Variants in L3MBTL4 observed in about 807,000 individuals in gnomAD.
The protein encoded by L3MBTL4 is lethal(3)malignant brain tumor-like protein 4.
Under a neutral mutation model 84.5 loss-of-function variants are expected in L3MBTL4, and 70 were observed. That is an observed-to-expected ratio of 0.83 (90% CI 0.68 to 1.01). The LOEUF (loss-of-function observed/expected upper bound fraction) is 1.01, where lower values mean the gene tolerates loss of function less well. Among genes scored for constraint, L3MBTL4 ranks in the 50% least tolerant of loss-of-function variants. The pLI is 0.00. For synonymous variants in L3MBTL4, 274 were observed against 259.8 expected (o/e 1.05, Z -0.52); for missense variants, 715 against 754.8 (o/e 0.95, Z 0.62).
intron 5 of L3MBTL4, among the ~76,000 whole-genome samples, chr18:6,261,945 A>T (rs796106448): frequency 7.9e-5 from 12 of 152,176 alleles, no homozygotes; most frequent in African/African-American, 2.9e-4. Flanking sequence ...ACACCCAAAC[A>T]TCTGATTTAA....
At chr18:6,261,023 A>C (rs1158247559) in intron 5 of L3MBTL4, 7 of 152,240 alleles carry the variant, frequency 4.6e-5, no homozygotes, top group African/African-American at 1.4e-4. Flanking sequence ...TTATTAGGGC[A>C]AATCAGACGG....
At chr18:6,210,045 G>C (rs2046038800) in intron 12 of L3MBTL4, among the ~76,000 whole-genome samples, 1 of 152,154 alleles carries the variant, frequency 6.6e-6, no homozygotes, top group African/African-American at 2.4e-5. Context: ...TTGCTTTCTA[G>C]GGTGATGAAA....
intron 1 of L3MBTL4, among the ~76,000 whole-genome samples, chr18:6,363,658 G>A (rs1414304694): frequency 6.6e-6 from 1 of 152,018 alleles, no homozygotes; most frequent in Non-Finnish European, 1.5e-5. Flanking sequence ...AAGAAGAAAC[G>A]ACTCTTTCTA....
chr18:6,266,973 AG>A (rs1031505274), intron 4 of L3MBTL4, among the ~76,000 whole-genome samples: 4 of 151,758 alleles, frequency 2.6e-5, no homozygotes, highest in Non-Finnish European at 5.9e-5. Flanking sequence ...ATAATTTCTG[AG>A]CCCCTGTTAA....
At chr18:6,063,297 A>G (rs1016413734) in intron 16 of L3MBTL4, among the ~76,000 whole-genome samples, 9 of 117,646 alleles carry the variant, frequency 7.7e-5, no homozygotes, top group African/African-American at 3.8e-4. Flanking sequence ...TACTATAAAT[A>G]TCTGTGTGTG....
chr18:6,243,300 G>C lies in L3MBTL4; in HGVS notation c.454C>G (p.Pro152Ala), dbSNP rs751410371. The C allele has an allele frequency of 6.3e-7, 1 of 1,581,740 alleles. No individual in the cohort carries two copies. Among genetic ancestry groups the C allele is most frequent in the East Asian group, 2.3e-5 (1 of 43,480 alleles). Residue 152 changes from proline (P) to alanine (A), a missense_variant, in exon 7 of 19, where the codon CCT becomes GCT. Coordinates refer to ENST00000317931, the MANE Select transcript of L3MBTL4 (RefSeq NM_001330559.2). The stretch of plus-strand genomic sequence containing the variant: ...TAAATGTATCCTGGCTTACCCTTAG[G>C]GATGTGCAGTTCATGTTTGGTCTTT... ...CEKTKHELHI[P>A]KGYRKDKFVW...
At chr18:6,259,223 G>A (rs1367100850) in intron 5 of L3MBTL4, 1 of 152,332 alleles carries the variant, frequency 6.6e-6, no homozygotes, top group Non-Finnish European at 1.5e-5. Flanking sequence ...AAGTCACTCA[G>A]ACCAGGGTCA....
At position 6,312,009 on chromosome 18, in the gene L3MBTL4, C is replaced by T. The variant is rs143228927; in HGVS notation, c.-43G>A. On this transcript the variant is annotated 5_prime_UTR_variant, in exon 2 of 19. In the 5' UTR this introduces an upstream ATG that the reference lacks. Transcript: ENST00000317931. ...GCTTCTGTACTCACATGGTCTGACA[C>T]GTATTCTTGGTAAGAGGTCTTAGTC... 6 of 173,496 alleles carry T rather than the reference C, an allele frequency of 3.5e-5. No individual in the cohort carries two copies. Among genetic ancestry groups the T allele is most frequent in the South Asian group, 1.4e-4 (1 of 6,922 alleles). The allele number at this position is 173,496 out of a possible 1,614,324, so 10.7% of individuals were successfully genotyped here. A position where few individuals can be genotyped will look rare whatever the true frequency, so the allele number is the denominator to read the frequency against.
chr18:6,147,580 A>G (rs545343187), intron 13 of L3MBTL4, among the ~76,000 whole-genome samples: 71 of 152,342 alleles, frequency 4.7e-4, no homozygotes, highest in African/African-American at 1.6e-3. Flanking sequence ...CGATGGCAAT[A>G]TTAGTAGAGA....
intron 1 of L3MBTL4, among the ~76,000 whole-genome samples, chr18:6,373,208 T>G (rs2054229143): frequency 6.6e-6 from 1 of 152,206 alleles, no homozygotes; most frequent in Admixed American, 6.5e-5. Context: ...TGCGCATCCT[T>G]GTCTCTGCAA....
At chr18:6,242,886 G>T (rs2047510153) in intron 7 of L3MBTL4, among the ~76,000 whole-genome samples, 1 of 152,096 alleles carries the variant, frequency 6.6e-6, no homozygotes. Context: ...TGTTTTCCGT[G>T]ATTCCTAAGT....
chr18:6,297,507 T>C (rs1238945552), intron 4 of L3MBTL4, among the ~76,000 whole-genome samples: 2 of 152,186 alleles, frequency 1.3e-5, no homozygotes, highest in African/African-American at 4.8e-5. Flanking sequence ...CTACACTATA[T>C]TTGCCACTTT....
chr18:6,381,270 C>T (rs947667078), intron 1 of L3MBTL4, among the ~76,000 whole-genome samples: 1 of 152,106 alleles, frequency 6.6e-6, no homozygotes, highest in African/African-American at 2.4e-5. Flanking sequence ...ACTGATGGGT[C>T]TTGACTCTTT....
intron 3 of L3MBTL4, among the ~76,000 whole-genome samples, chr18:6,304,614 C>T (rs2050500263): frequency 6.6e-6 from 1 of 152,214 alleles, no homozygotes; most frequent in Admixed American, 6.5e-5. Flanking sequence ...TTTAGCAGGG[C>T]ATGCAGTGGG....
chr18:6,394,107 A>G (rs1006950845), intron 1 of L3MBTL4, among the ~76,000 whole-genome samples: 11 of 152,122 alleles, frequency 7.2e-5, no homozygotes, highest in African/African-American at 2.7e-4. Flanking sequence ...ATCTGCCCCC[A>G]GCCCAGTGCT....
At position 6,047,935 on chromosome 18, in the gene L3MBTL4, C is replaced by T. The variant is rs1473456219; in HGVS notation, c.1444+32946G>A. ...TCAGGCAAGAGAAAGAAATAAAAGG[C>T]ATCCAAATAGGAAAAGAATAAGTCA... On this transcript the variant is annotated intron_variant, in intron 16 of 18. Coordinates refer to ENST00000317931, the MANE Select transcript of L3MBTL4 (RefSeq NM_001330559.2). Among the ~76,000 whole-genome samples the T allele has an allele frequency of 2.0e-5, 3 of 152,166 alleles. No homozygotes were observed. In the East Asian group the frequency reaches 5.8e-4, roughly 29 times the overall value.
chr18:6,045,024 C>T (rs1221330268), intron 16 of L3MBTL4, among the ~76,000 whole-genome samples: 1 of 152,202 alleles, frequency 6.6e-6, no homozygotes, highest in East Asian at 1.9e-4. Context: ...GCCTTGCATC[C>T]TTTTTTCCTT....
intron 14 of L3MBTL4, among the ~76,000 whole-genome samples, chr18:6,106,544 G>C (rs1211906509): frequency 1.3e-5 from 2 of 152,170 alleles, no homozygotes; most frequent in Admixed American, 1.3e-4. Flanking sequence ...TGGAGAACTG[G>C]CCATCTGGAT....
chr18:6,236,617 A>T (rs2047226415), intron 10 of L3MBTL4, among the ~76,000 whole-genome samples: 1 of 152,206 alleles, frequency 6.6e-6, no homozygotes, highest in African/African-American at 2.4e-5. Flanking sequence ...TCTGACAAGC[A>T]TTTCATCTCA....
Sources: gnomAD v4.1 joint callset for allele counts (sites outside exome capture counted in the v4.1 genomes callset) on GRCh38, gnomAD v4.1.1 for gene constraint, MANE v1.5 for transcripts, NCBI Gene and HGNC (gene_info 2026-07-23, HGNC 2026-07-21) for gene names.